The following CRISP2 variants were observed in gnomAD, a reference collection of about 807,000 sequenced individuals.
CRISP2 encodes the protein cysteine-rich secretory protein 2.
In CRISP2, 29 loss-of-function variants were observed where a neutral mutation model predicts 31.7. The ratio of observed to expected loss-of-function variants is 0.92; its 90% CI spans 0.68 to 1.25. CRISP2 has a LOEUF of 1.25. CRISP2 is among the 50% of genes most tolerant of loss of function. The pLI, the probability that CRISP2 is intolerant of heterozygous loss-of-function variation, is 0.00. For missense variants in CRISP2, 318 were observed against 286.5 expected, an observed-to-expected ratio of 1.11 and a Z score of -0.79; for synonymous variants, 111 against 101.4, an observed-to-expected ratio of 1.09 and a Z score of -0.57.
rs1229218251 is a variant in CRISP2, at chr6:49,701,545, G to GTA, written c.67-763_67-762dup. ...ATATATACACACACACACACACACA[G>GTA]TATATATATATGGCTTTTATGGCTG... is the stretch of plus-strand genomic sequence containing the variant. On this transcript the variant is annotated intron_variant, in intron 4 of 9. Coordinates refer to ENST00000339139, the MANE Select transcript of CRISP2 (RefSeq NM_003296.4). 3.5e-5 allele frequency among the ~76,000 whole-genome samples: 4 copies of GTA among 113,772 alleles called. 1 individual carries two copies. Among genetic ancestry groups the GTA allele is most frequent in the African/African-American group, 1.0e-4 (3 of 29,742 alleles). The allele number at this position is 113,772 out of a possible 152,430, so 74.6% of individuals were successfully genotyped here. A position where few individuals can be genotyped will look rare whatever the true frequency, so the allele number is the denominator to read the frequency against.
intron 4 of CRISP2, among the ~76,000 whole-genome samples, chr6:49,701,700 T>TTATA (rs1362375255): frequency 0.018 from 1,795 of 98,520 alleles, 183 homozygotes; most frequent in African/African-American, 0.072. Flanking sequence ...TATGTATACA[T>TTATA]TATGTATACA....
At chr6:49,688,856 T>G (rs2127378379), downstream of CRISP2, among the ~76,000 whole-genome samples, 1 of 152,244 alleles carries the variant, frequency 6.6e-6, no homozygotes, top group African/African-American at 2.4e-5. Context: ...ATTATGATTT[T>G]CTCTTTTCTT....
intron 8 of CRISP2, 59 bp from the exon 9 acceptor site, chr6:49,695,983 G>T: frequency 1.9e-6 from 2 of 1,079,392 alleles, no homozygotes; most frequent in Non-Finnish European, 2.8e-6. Context: ...TCTAAGGGCA[G>T]TATCAGTCAT....
intron 4 of CRISP2, among the ~76,000 whole-genome samples, chr6:49,707,847 T>C (rs1767339937): frequency 6.6e-6 from 1 of 152,108 alleles, no homozygotes; most frequent in African/African-American, 2.4e-5. Flanking sequence ...CACTGCACAT[T>C]TTATCACTGA....
At chr6:49,701,346 G>C (rs1469780228) in intron 4 of CRISP2, among the ~76,000 whole-genome samples, 1 of 151,498 alleles carries the variant, frequency 6.6e-6, no homozygotes, top group African/African-American at 2.4e-5. Context: ...TCATAGCTTA[G>C]CTCCCACTTA....
chr6:49,696,052 C>G, intron 8 of CRISP2, 128 bp from the exon 9 acceptor site: 1 of 547,606 alleles, frequency 1.8e-6, no homozygotes, highest in African/African-American at 1.9e-5. Flanking sequence ...TGAAAAATTA[C>G]AATTCCCAAT....
the CRISP2 span, among the ~76,000 whole-genome samples, chr6:49,684,935 A>G: frequency 6.6e-6 from 1 of 152,154 alleles, no homozygotes. Context: ...CAGAACTTTC[A>G]TCTCCTCTGT....
chr6:49,704,372 T>C (rs554470029), intron 4 of CRISP2, among the ~76,000 whole-genome samples: 11 of 152,286 alleles, frequency 7.2e-5, no homozygotes, highest in African/African-American at 2.4e-4. Flanking sequence ...GATTTCTTCT[T>C]GGTTTCAATC....
chr6:49,689,286 C>T (rs1210583914), downstream of CRISP2, among the ~76,000 whole-genome samples: 1 of 152,132 alleles, frequency 6.6e-6, no homozygotes, highest in African/African-American at 2.4e-5. Context: ...TTACAGACAT[C>T]AAAACATCCC....
intron 3 of CRISP2, among the ~76,000 whole-genome samples, chr6:49,711,062 T>C (rs777958622): frequency 4.6e-5 from 7 of 152,102 alleles, no homozygotes; most frequent in Non-Finnish European, 8.8e-5. Context: ...GGATGATCAT[T>C]TGAGCCTAGG....
intron 8 of CRISP2, among the ~76,000 whole-genome samples, chr6:49,697,265 G>A (rs1482226641): frequency 2.0e-5 from 3 of 152,104 alleles, no homozygotes; most frequent in Non-Finnish European, 2.9e-5. Context: ...AACCTTACAA[G>A]ATGGTTAAAG....
chr6:49,696,124 CCA>C (rs1764695717), intron 8 of CRISP2, among the ~76,000 whole-genome samples, 200 bp from the exon 9 acceptor site: 1 of 152,216 alleles, frequency 6.6e-6, no homozygotes, highest in African/African-American at 2.4e-5. Context: ...ATCTTCTTGA[CCA>C]TAATTTCACA....
At chr6:49,702,068 A>T (rs1766080476) in intron 4 of CRISP2, among the ~76,000 whole-genome samples, 2 of 115,858 alleles carry the variant, frequency 1.7e-5, no homozygotes, top group African/African-American at 3.2e-5. Flanking sequence ...TGTATACATT[A>T]ATATAATGTA....
the CRISP2 span, among the ~76,000 whole-genome samples, chr6:49,677,297 C>T: frequency 6.6e-6 from 1 of 152,042 alleles, no homozygotes; most frequent in Non-Finnish European, 1.5e-5. Context: ...AATTTACATG[C>T]CCCAAGCATT....
chr6:49,692,746 A>G lies in CRISP2; in HGVS notation c.*27T>C, dbSNP rs1488423474. ...TAAATGATGCAGCCCTTATCCATGC[A>G]GTCTTGCACAATGCTCACTAGGTAA... On this transcript the variant is annotated 3_prime_UTR_variant, in exon 10 of 10. Transcript: ENST00000339139. 1 of 1,587,484 alleles carries G rather than the reference A, an allele frequency of 6.3e-7. No homozygotes were observed. Among genetic ancestry groups the G allele is most frequent in the Admixed American group, 1.7e-5 (1 of 59,032 alleles).
chr6:49,683,408 C>T, the CRISP2 span, among the ~76,000 whole-genome samples: 8 of 150,992 alleles, frequency 5.3e-5, no homozygotes, highest in Non-Finnish European at 8.9e-5. Flanking sequence ...GGCGCAGTGG[C>T]TCATGCCTGT....
intron 9 of CRISP2, among the ~76,000 whole-genome samples, chr6:49,693,710 A>G: frequency 6.6e-6 from 1 of 152,128 alleles, no homozygotes; most frequent in East Asian, 1.9e-4. Context: ...CTGTTTAATG[A>G]ATTCTGCTGT....
chr6:49,701,826 A>G (rs1449653076), intron 4 of CRISP2, among the ~76,000 whole-genome samples: 1 of 97,264 alleles, frequency 1.0e-5, no homozygotes, highest in African/African-American at 4.0e-5. Flanking sequence ...TATATAATGT[A>G]TACATTAATA....
At chr6:49,709,019 C>A in intron 4 of CRISP2, 112 bp downstream of exon 4, 1 of 845,734 alleles carries the variant, frequency 1.2e-6, no homozygotes, top group Admixed American at 2.0e-5. Context: ...AACTCTGAAC[C>A]AGTGGAAACT....
Sources: gnomAD v4.1 joint callset for allele counts (sites outside exome capture counted in the v4.1 genomes callset) on GRCh38, gnomAD v4.1.1 for gene constraint, MANE v1.5 for transcripts, NCBI Gene and HGNC (gene_info 2026-07-23, HGNC 2026-07-21) for gene names.